The following PTPRM variants were observed in gnomAD, a reference collection of about 807,000 sequenced individuals.
PTPRM encodes the protein receptor-type tyrosine-protein phosphatase mu.
PTPRM carries 47 observed loss-of-function variants against 186.7 expected under a neutral mutation model. The ratio of observed to expected loss-of-function variants is 0.25; its 90% CI spans 0.20 to 0.32. The LOEUF (loss-of-function observed/expected upper bound fraction) is 0.32, where lower values mean the gene tolerates loss of function less well. Ranked by LOEUF, PTPRM falls within the 10% of genes least tolerant of loss-of-function variation. The probability of loss-of-function intolerance (pLI) is 1.00; values close to 1 mark genes in which losing one functional copy is unlikely to be tolerated. For synonymous variants in PTPRM, 668 were observed against 674.9 expected (o/e 0.99, Z 0.16); for missense variants, 1,494 against 1,865.0 (o/e 0.80, Z 3.66).
intron 19 of PTPRM, among the ~76,000 whole-genome samples, chr18:8,286,453 T>C (rs1032767875): frequency 1.4e-4 from 21 of 152,240 alleles, no homozygotes; most frequent in African/African-American, 5.1e-4. Flanking sequence ...TTCTGCTCCA[T>C]ACCAGTGCAG....
intron 1 of PTPRM, among the ~76,000 whole-genome samples, chr18:7,737,550 G>A (rs535968722): frequency 5.9e-5 from 9 of 152,348 alleles, no homozygotes; most frequent in African/African-American, 2.2e-4. Context: ...TCCAGGGCTT[G>A]TATTCAACCA....
At chr18:8,014,297 T>C (rs2084720808) in intron 7 of PTPRM, among the ~76,000 whole-genome samples, 1 of 152,218 alleles carries the variant, frequency 6.6e-6, no homozygotes, top group Non-Finnish European at 1.5e-5. Flanking sequence ...GCAAATTATT[T>C]GGTTTTTCAT....
chr18:8,334,183 C>A (rs1196401173), intron 22 of PTPRM, among the ~76,000 whole-genome samples: 2 of 152,200 alleles, frequency 1.3e-5, no homozygotes, highest in African/African-American at 2.4e-5. Flanking sequence ...ATTTATTTGT[C>A]CAACACCCTT....
intron 31 of PTPRM, among the ~76,000 whole-genome samples, chr18:8,391,585 A>G (rs1186640794): frequency 6.6e-6 from 1 of 152,234 alleles, no homozygotes; most frequent in African/African-American, 2.4e-5. Context: ...CTTTGGTGAT[A>G]CTGATGGTAT....
At chr18:7,797,655 T>A (rs187979340) in intron 2 of PTPRM, among the ~76,000 whole-genome samples, 1 of 152,024 alleles carries the variant, frequency 6.6e-6, no homozygotes, top group Admixed American at 6.5e-5. Flanking sequence ...TCACTTCTTC[T>A]GGCCTTCAAA....
chr18:8,149,829 G>A (rs910135125), intron 14 of PTPRM, among the ~76,000 whole-genome samples: 30 of 152,282 alleles, frequency 2.0e-4, no homozygotes, highest in Non-Finnish European at 3.5e-4. Context: ...AGGAGCTCTT[G>A]TAAGGCAGGC....
chr18:8,223,436 T>C (rs779537879), intron 14 of PTPRM, among the ~76,000 whole-genome samples: 10 of 152,136 alleles, frequency 6.6e-5, no homozygotes, highest in Non-Finnish European at 1.3e-4. Context: ...CAACCTCAAA[T>C]ATTACAGATA....
At chr18:7,571,083 T>C (rs2036555397) in intron 1 of PTPRM, among the ~76,000 whole-genome samples, 1 of 151,744 alleles carries the variant, frequency 6.6e-6, no homozygotes, top group Admixed American at 6.6e-5. Context: ...GAACTACAGG[T>C]GTGCACCACC....
chr18:8,368,469 A>G (rs2095645426), intron 23 of PTPRM, among the ~76,000 whole-genome samples: 2 of 152,158 alleles, frequency 1.3e-5, no homozygotes, highest in South Asian at 2.1e-4. Flanking sequence ...GAGGGGGGAA[A>G]AGATTCCAAA....
At chr18:7,796,143 T>A (rs558372829) in intron 2 of PTPRM, among the ~76,000 whole-genome samples, 11 of 150,652 alleles carry the variant, frequency 7.3e-5, no homozygotes, top group African/African-American at 2.7e-4. Context: ...CACACAGCAA[T>A]AACAAAGATG....
intron 20 of PTPRM, among the ~76,000 whole-genome samples, chr18:8,312,370 A>C (rs1245903315): frequency 6.6e-6 from 1 of 152,092 alleles, no homozygotes; most frequent in Non-Finnish European, 1.5e-5. Flanking sequence ...GTGTCCTAGG[A>C]AATTGGTTCT....
chr18:8,291,137 C>T (rs1383791821), intron 19 of PTPRM, among the ~76,000 whole-genome samples: 1 of 152,156 alleles, frequency 6.6e-6, no homozygotes, highest in Non-Finnish European at 1.5e-5. Context: ...AGCCATCCCT[C>T]CTGCTCTCTC....
intron 1 of PTPRM, among the ~76,000 whole-genome samples, chr18:7,688,745 C>A (rs1247718634): frequency 6.6e-6 from 1 of 152,178 alleles, no homozygotes; most frequent in Non-Finnish European, 1.5e-5. Context: ...GTTGGAACAT[C>A]CAGCACGGTT....
intron 19 of PTPRM, among the ~76,000 whole-genome samples, chr18:8,285,560 G>T (rs2094947469): frequency 6.6e-6 from 1 of 152,224 alleles, no homozygotes; most frequent in Non-Finnish European, 1.5e-5. Context: ...CTTGGTTTGA[G>T]GCAAGCGTTC....
intron 7 of PTPRM, among the ~76,000 whole-genome samples, chr18:8,022,081 G>A (rs2085271621): frequency 6.6e-6 from 1 of 152,072 alleles, no homozygotes; most frequent in Non-Finnish European, 1.5e-5. Flanking sequence ...CTGCCTCATA[G>A]GGAGAACTGG....
intron 14 of PTPRM, among the ~76,000 whole-genome samples, chr18:8,169,241 C>T (rs549825449): frequency 7.3e-5 from 11 of 151,326 alleles, no homozygotes; most frequent in African/African-American, 2.4e-4. Context: ...CTCTTCCGCT[C>T]GAAAAGTGAA....
At chr18:8,396,579 C>T (rs761123394) in intron 32 of PTPRM, among the ~76,000 whole-genome samples, 3 of 152,084 alleles carry the variant, frequency 2.0e-5, no homozygotes, top group Admixed American at 6.5e-5. Flanking sequence ...CTTAGATGGC[C>T]GAACCAGAAG....
intron 19 of PTPRM, among the ~76,000 whole-genome samples, chr18:8,287,179 A>G (rs1176874617): frequency 6.6e-6 from 1 of 152,226 alleles, no homozygotes; most frequent in African/African-American, 2.4e-5. Context: ...AAGGAAAAAT[A>G]CAGACATGGG....
At chr18:7,894,382 C>T (rs1056983294) in intron 3 of PTPRM, among the ~76,000 whole-genome samples, 2 of 151,972 alleles carry the variant, frequency 1.3e-5, no homozygotes, top group South Asian at 2.1e-4. Context: ...GTCAGGAGAT[C>T]GAGACCAGCC....
Sources: gnomAD v4.1 joint callset for allele counts (sites outside exome capture counted in the v4.1 genomes callset) on GRCh38, gnomAD v4.1.1 for gene constraint, MANE v1.5 for transcripts, NCBI Gene and HGNC (gene_info 2026-07-23, HGNC 2026-07-21) for gene names.